The following MARCHF3 variants were observed in gnomAD, a reference collection of about 807,000 sequenced individuals.
MARCHF3 encodes the protein membrane associated ring-CH-type finger 3, also known as E3 ubiquitin-protein ligase MARCHF3.
A neutral mutation model predicts 24.2 loss-of-function variants in MARCHF3; 13 were observed. The ratio of observed to expected loss-of-function variants is 0.54; its 90% CI spans 0.35 to 0.85. The LOEUF (loss-of-function observed/expected upper bound fraction) is 0.85. MARCHF3 is among the 40% of genes least tolerant of loss of function. The pLI is 0.01. For synonymous variants in MARCHF3, 144 were observed against 137.3 expected, an observed-to-expected ratio of 1.05 and a Z score of -0.34; for missense variants, 276 against 325.0, an observed-to-expected ratio of 0.85 and a Z score of 1.16.
intron 3 of MARCHF3, among the ~76,000 whole-genome samples, chr5:126,896,448 G>T (rs1753919365): frequency 6.6e-6 from 1 of 152,114 alleles, no homozygotes; most frequent in South Asian, 2.1e-4. Flanking sequence ...AATAGAGTTG[G>T]GGTCTGCGGG....
Position 126,869,581 on chromosome 5 carries a change from G to GCT in MARCHF3, c.*1050_*1051dup, listed in dbSNP as rs746518152. 11 of 20,920 alleles carry GCT rather than the reference G, an allele frequency of 5.3e-4. No homozygotes were observed. The highest frequency in any genetic ancestry group is 1.4e-3 in the African/African-American group (10 of 7,086). The allele number at this position is 20,920 out of a possible 1,614,324, so 1.3% of individuals were successfully genotyped here. ...AATAAGTGCAGGGCTGCTAGGACAG[G>GCT]CTTTTTTTTTTTTTTTTTTTTTTGC... is the stretch of plus-strand genomic sequence containing the variant. On this transcript the variant is annotated 3_prime_UTR_variant, in exon 5 of 5. Coordinates refer to ENST00000308660, the MANE Select transcript of MARCHF3 (RefSeq NM_178450.5).
chr5:127,003,429 C>CAACCT (rs1752202479), intron 1 of MARCHF3, among the ~76,000 whole-genome samples: 1 of 110,070 alleles, frequency 9.1e-6, no homozygotes. Context: ...GATCGCGCCA[C>CAACCT]TGCACTCCAG....
At chr5:126,987,074 A>G (rs1240952055) in intron 1 of MARCHF3, among the ~76,000 whole-genome samples, 2 of 152,246 alleles carry the variant, frequency 1.3e-5, no homozygotes, top group Non-Finnish European at 2.9e-5. Context: ...ATTTAAGTCA[A>G]TCAGATTACC....
intron 1 of MARCHF3, among the ~76,000 whole-genome samples, chr5:126,956,711 C>CAA (rs758322770): frequency 1.0e-5 from 1 of 96,104 alleles, no homozygotes; most frequent in Non-Finnish European, 2.4e-5. Context: ...CAAACAATAA[C>CAA]AAAAAAAAAC....
chr5:126,912,331 T>C (rs1447325853), intron 3 of MARCHF3, among the ~76,000 whole-genome samples: 2 of 152,208 alleles, frequency 1.3e-5, no homozygotes, highest in Non-Finnish European at 2.9e-5. Flanking sequence ...TTCCAACCAA[T>C]GTTAGCGTTT....
In MARCHF3 at chr5:126,979,081, C is replaced by T. The variant is rs566065669; in HGVS notation, c.-57+51269G>A. Among the ~76,000 whole-genome samples, 12 of 152,186 alleles carry T rather than the reference C, an allele frequency of 7.9e-5. 1 individual carries two copies. Among genetic ancestry groups the T allele is most frequent in the African/African-American group, 7.2e-5 (3 of 41,428 alleles). ...TATTTCTCAAGGTAGGTGTTGCACA[C>T]GGACTTTCCTTAATTTAATATGATG... On this transcript the variant is annotated intron_variant, in intron 1 of 4. Transcript: ENST00000308660.
intron 1 of MARCHF3, among the ~76,000 whole-genome samples, chr5:126,932,734 A>G (rs1240812129): frequency 2.0e-5 from 3 of 152,172 alleles, no homozygotes; most frequent in Non-Finnish European, 2.9e-5. Context: ...GGGGTAAAAT[A>G]CGGGGCTCTG....
At chr5:126,988,577 A>G (rs1440323873) in intron 1 of MARCHF3, among the ~76,000 whole-genome samples, 2 of 152,220 alleles carry the variant, frequency 1.3e-5, no homozygotes, top group Non-Finnish European at 2.9e-5. Flanking sequence ...CAGACAGGAG[A>G]GTCAAGATTT....
intron 1 of MARCHF3, among the ~76,000 whole-genome samples, chr5:126,993,270 T>C (rs1309628019): frequency 6.6e-6 from 1 of 152,152 alleles, no homozygotes; most frequent in Non-Finnish European, 1.5e-5. Context: ...AGAGGCCAAC[T>C]CCATCGTCTC....
At chr5:126,915,249 C>T in intron 2 of MARCHF3, 115 bp from the exon 3 acceptor site, 1 of 948,758 alleles carries the variant, frequency 1.1e-6, no homozygotes. Flanking sequence ...TTTAAGACCT[C>T]TTAGATCTAC....
chr5:126,892,823 T>C (rs909252960), intron 3 of MARCHF3, among the ~76,000 whole-genome samples: 5 of 151,004 alleles, frequency 3.3e-5, no homozygotes, highest in African/African-American at 1.2e-4. Context: ...TAGGGAGGAT[T>C]CCCTCTTTGT....
chr5:126,973,967 G>T (rs1041065714), intron 1 of MARCHF3, among the ~76,000 whole-genome samples: 2 of 133,398 alleles, frequency 1.5e-5, no homozygotes, highest in Non-Finnish European at 3.1e-5. Context: ...GCACAATCTC[G>T]GCTCACTGCA....
intron 1 of MARCHF3, among the ~76,000 whole-genome samples, chr5:126,978,101 G>A (rs1164233336): frequency 1.3e-5 from 2 of 152,362 alleles, no homozygotes; most frequent in African/African-American, 2.4e-5. Context: ...TGGCAGTTGA[G>A]TATTGTATGT....
intron 3 of MARCHF3, among the ~76,000 whole-genome samples, chr5:126,911,358 T>C (rs2126789970): frequency 6.6e-6 from 1 of 152,266 alleles, no homozygotes; most frequent in South Asian, 2.1e-4. Flanking sequence ...CCTGCCGACA[T>C]GTGATGTCTC....
At chr5:126,934,375 C>T (rs1348495726) in intron 1 of MARCHF3, among the ~76,000 whole-genome samples, 2 of 152,018 alleles carry the variant, frequency 1.3e-5, no homozygotes, top group Non-Finnish European at 2.9e-5. Context: ...ACAATATCTT[C>T]TATCTGACTT....
chr5:126,956,598 T>C lies in MARCHF3; in HGVS notation c.-56-38371A>G, dbSNP rs111745761. Among the ~76,000 whole-genome samples the C allele has an allele frequency of 5.8e-3, 831 of 142,914 alleles. 9 individuals are homozygous for C. The highest frequency in any genetic ancestry group is 0.022 in the African/African-American group (808 of 37,378). 93.8% of individuals were successfully genotyped at this position (142,914 alleles called of 152,430 possible). A position where few individuals can be genotyped will look rare whatever the true frequency, so the allele number is the denominator to read the frequency against. On this transcript the variant is annotated intron_variant, in intron 1 of 4. Transcript: ENST00000308660. ...AGGTGGAAGTTGCAGTGAGCCAAGA[T>C]TGCGCCACTGTACTCCAGCCTGGGC...
intron 1 of MARCHF3, among the ~76,000 whole-genome samples, chr5:127,014,356 GGTAAT>G (rs1242254042): frequency 6.6e-6 from 1 of 152,044 alleles, no homozygotes; most frequent in African/African-American, 2.4e-5. Context: ...CACTGCTGGT[GGTAAT>G]GTAAACTAGT....
chr5:126,920,427 C>T (rs1242960428), intron 1 of MARCHF3, among the ~76,000 whole-genome samples: 1 of 152,214 alleles, frequency 6.6e-6, no homozygotes, highest in Non-Finnish European at 1.5e-5. Context: ...TGGCACAGCT[C>T]TCTTGCTTCA....
At chr5:126,925,464 G>A (rs1749258988) in intron 1 of MARCHF3, among the ~76,000 whole-genome samples, 3 of 151,964 alleles carry the variant, frequency 2.0e-5, no homozygotes, top group Non-Finnish European at 4.4e-5. Flanking sequence ...TTCTGCTGAA[G>A]GCAAATCAAG....
Sources: gnomAD v4.1 joint callset for allele counts (sites outside exome capture counted in the v4.1 genomes callset) on GRCh38, gnomAD v4.1.1 for gene constraint, MANE v1.5 for transcripts, NCBI Gene and HGNC (gene_info 2026-07-23, HGNC 2026-07-21) for gene names.